NR3C2: variants seen among roughly 807,000 people sequenced by gnomAD.
NR3C2 encodes mineralocorticoid receptor.
NR3C2 carries 15 observed loss-of-function variants against 86.4 expected under a neutral mutation model. The observed-to-expected ratio is 0.17, with a 90% CI of 0.12 to 0.27. NR3C2 has a LOEUF of 0.27. NR3C2 is among the 10% of genes least tolerant of loss of function. The pLI is 1.00. For synonymous variants in NR3C2, 458 were observed against 450.5 expected (o/e 1.02, Z -0.21); for missense variants, 960 against 1,195.6 (o/e 0.80, Z 2.91).
intron 2 of NR3C2, among the ~76,000 whole-genome samples, chr4:148,372,354 T>A (rs1354563987): frequency 6.6e-6 from 1 of 152,138 alleles, no homozygotes; most frequent in Non-Finnish European, 1.5e-5. Context: ...TTCCCTCTCA[T>A]TTCTATACCC....
At chr4:148,372,182 A>G (rs1021794571) in intron 2 of NR3C2, among the ~76,000 whole-genome samples, 2 of 152,202 alleles carry the variant, frequency 1.3e-5, no homozygotes, top group Non-Finnish European at 2.9e-5. Flanking sequence ...CAAACATAAT[A>G]ACATTAAATA....
intron 2 of NR3C2, among the ~76,000 whole-genome samples, chr4:148,311,374 T>TC (rs1388704510): frequency 2.0e-5 from 3 of 152,138 alleles, no homozygotes; most frequent in African/African-American, 7.2e-5. Context: ...GCAGCAATCT[T>TC]CCCCATCTGG....
At chr4:148,131,378 G>A (rs1733037646) in intron 6 of NR3C2, among the ~76,000 whole-genome samples, 1 of 152,060 alleles carries the variant, frequency 6.6e-6, no homozygotes, top group Non-Finnish European at 1.5e-5. Context: ...TATAACAGAT[G>A]GTCCATGTCT....
intron 3 of NR3C2, among the ~76,000 whole-genome samples, chr4:148,197,643 A>T (rs61757493): frequency 8.5e-4 from 129 of 151,564 alleles, no homozygotes; most frequent in African/African-American, 1.5e-3. Context: ...AAAGGATTTT[A>T]AAAAAAAATA....
At chr4:148,216,261 T>C (rs1034225298) in intron 3 of NR3C2, among the ~76,000 whole-genome samples, 2 of 152,034 alleles carry the variant, frequency 1.3e-5, no homozygotes, top group East Asian at 3.8e-4. Context: ...AGTACAAAAA[T>C]AGTCAGGGGG....
At chr4:148,363,810 CA>C (rs1554012824) in intron 2 of NR3C2, among the ~76,000 whole-genome samples, 1 of 152,098 alleles carries the variant, frequency 6.6e-6, no homozygotes, top group Non-Finnish European at 1.5e-5. Flanking sequence ...GCCGACTTTT[CA>C]TATATCTCTA....
intron 6 of NR3C2, among the ~76,000 whole-genome samples, chr4:148,130,881 T>C (rs1273648117): frequency 6.9e-6 from 1 of 145,188 alleles, no homozygotes; most frequent in Non-Finnish European, 1.5e-5. Flanking sequence ...TGGAGTGCAG[T>C]GGCACGATCT....
chr4:148,246,498 G>A (rs991106137), intron 3 of NR3C2, among the ~76,000 whole-genome samples: 9 of 152,120 alleles, frequency 5.9e-5, no homozygotes, highest in African/African-American at 2.2e-4. Context: ...TAGCAACTGA[G>A]GATCTTCAAA....
chr4:148,218,870 T>C (rs1357700479), intron 3 of NR3C2, among the ~76,000 whole-genome samples: 1 of 152,230 alleles, frequency 6.6e-6, no homozygotes, highest in Non-Finnish European at 1.5e-5. Flanking sequence ...ATATACCATG[T>C]TGTTTTTACA....
chr4:148,178,943 A>AAC (rs1735518070), intron 4 of NR3C2, among the ~76,000 whole-genome samples: 2 of 151,010 alleles, frequency 1.3e-5, no homozygotes, highest in African/African-American at 4.8e-5. Flanking sequence ...AAAAAAAAAA[A>AAC]AAAACAAAAA....
chr4:148,422,192 T>C (rs1187592441), intron 2 of NR3C2, among the ~76,000 whole-genome samples: 1 of 152,112 alleles, frequency 6.6e-6, no homozygotes, highest in Non-Finnish European at 1.5e-5. Flanking sequence ...ATACAGGGTA[T>C]ATGTCAATGA....
rs1749973800 is a variant in NR3C2 at position 148,435,141 on chromosome 4, A to G, written c.1720T>C (p.Tyr574His). The change falls in exon 2 of 9, where the codon TAT becomes CAT. Residue 574 changes from tyrosine to histidine, a missense_variant. Tyr to His is a moderately conservative substitution (Grantham distance 83). Around this residue, in one of 4 missense-constraint regions of NR3C2, gnomAD observed 680 missense variants for 719.0 expected, o/e 0.95. Coordinates refer to ENST00000358102, the MANE Select transcript of NR3C2 (RefSeq NM_000901.5). ...TCTGGAATGTATTCTAAGACCGGAT[A>G]CCCATCACTTCTTCTAGACGACAGG... Reference protein sequence around the residue: ...GDLSSRRSDGYPVLEYIPENV... With the variant: ...GDLSSRRSDGHPVLEYIPENV... The G allele has an allele frequency of 6.2e-7, 1 of 1,614,222 alleles. No individual in the cohort carries two copies. Among genetic ancestry groups the G allele is most frequent in the Non-Finnish European group, 8.5e-7 (1 of 1,180,042 alleles).
chr4:148,380,911 T>G (rs1746946229), intron 2 of NR3C2, among the ~76,000 whole-genome samples: 1 of 152,188 alleles, frequency 6.6e-6, no homozygotes, highest in Non-Finnish European at 1.5e-5. Context: ...ATATAAAATT[T>G]TATACACATA....
chr4:148,193,447 C>T (rs936473813), intron 4 of NR3C2, among the ~76,000 whole-genome samples: 11 of 152,166 alleles, frequency 7.2e-5, no homozygotes, highest in Non-Finnish European at 7.3e-5. Context: ...TGCAAGCCTC[C>T]GCATGCTGCT....
At chr4:148,274,028 C>T (rs566532009) in intron 2 of NR3C2, among the ~76,000 whole-genome samples, 30 of 149,230 alleles carry the variant, frequency 2.0e-4, no homozygotes, top group African/African-American at 7.2e-4. Flanking sequence ...GCCCTGGCCA[C>T]GTACACTCAG....
rs780024175 is a variant in NR3C2, at chr4:148,259,964, A to C, written c.1897+14T>G. On this transcript the variant is annotated intron_variant, in intron 3 of 8. Transcript: ENST00000358102. ...GAAAAAATATGTAAAAGGAACACCC[A>C]CATGAACATTTACCTTCCACTGCTC... 1 of 1,614,104 alleles carries C rather than the reference A, an allele frequency of 6.2e-7. No homozygotes were observed. The highest frequency in any genetic ancestry group is 1.1e-5 in the South Asian group (1 of 91,082).
At chr4:148,318,566 T>C (rs987135732) in intron 2 of NR3C2, among the ~76,000 whole-genome samples, 6 of 152,024 alleles carry the variant, frequency 3.9e-5, no homozygotes, top group Non-Finnish European at 5.9e-5. Flanking sequence ...ATGATGGCCA[T>C]TCTAACTGGT....
At chr4:148,281,096 T>C (rs951412428) in intron 2 of NR3C2, among the ~76,000 whole-genome samples, 1 of 152,222 alleles carries the variant, frequency 6.6e-6, no homozygotes, top group African/African-American at 2.4e-5. Context: ...TGAGACTTCA[T>C]TCTTTTTCCC....
chr4:148,154,974 TAC>T (rs376030965), intron 4 of NR3C2, 73 bp from the exon 5 acceptor site: 3 of 1,234,098 alleles, frequency 2.4e-6, no homozygotes, highest in East Asian at 2.5e-5. Flanking sequence ...CTGGTTAAAG[TAC>T]AGTTTTCCTC....
Sources: gnomAD v4.1 joint callset for allele counts (sites outside exome capture counted in the v4.1 genomes callset) on GRCh38, gnomAD v4.1.1 for gene constraint, gnomAD v4.1.1 regional missense constraint, MANE v1.5 for transcripts, NCBI Gene and HGNC (gene_info 2026-07-23, HGNC 2026-07-21) for gene names.